MCM6: variants seen among roughly 807,000 people sequenced by gnomAD.
The protein encoded by MCM6 is DNA replication licensing factor MCM6.
MCM6 carries 46 observed loss-of-function variants against 94.3 expected under a neutral mutation model. The observed-to-expected ratio is 0.49, with a 90% CI of 0.39 to 0.62. The LOEUF (loss-of-function observed/expected upper bound fraction) is 0.62. Among genes scored for constraint, MCM6 ranks in the 20% least tolerant of loss-of-function variants. The pLI is 0.00. For synonymous variants in MCM6, 335 were observed against 351.9 expected, an observed-to-expected ratio of 0.95 and a Z score of 0.54; for missense variants, 865 against 1,017.9, an observed-to-expected ratio of 0.85 and a Z score of 2.04.
intron 13 of MCM6, 108 bp downstream of exon 13, chr2:135,851,293 AC>A: frequency 1.2e-6 from 1 of 814,344 alleles, no homozygotes; most frequent in Non-Finnish European, 1.9e-6. Flanking sequence ...TTCAACAGTT[AC>A]ATAAAAATGT....
In MCM6 at chr2:135,856,884, C is replaced by T; in HGVS notation, c.1471-1G>A. ...TGGACGTCCGGGCGTTCAGAGTAGC[C>T]TGACCACAAAAGAAAGAATCTTAAC... On this transcript the variant is annotated splice_acceptor_variant, in intron 10 of 16. Coordinates refer to ENST00000264156, the MANE Select transcript of MCM6 (RefSeq NM_005915.6). LOFTEE classifies it high-confidence loss of function. 6.2e-7 allele frequency: 1 copy of T among 1,608,846 alleles called. No homozygotes were observed. Among genetic ancestry groups the T allele is most frequent in the African/African-American group, 1.3e-5 (1 of 74,726 alleles).
rs80287127 is a variant in MCM6, at chr2:135,849,371, T to C, written c.1918-1183A>G. On this transcript the variant is annotated intron_variant, in intron 13 of 16. Transcript: ENST00000264156. ...GTCCCTTGATGACCTAATGGATGTGTAGCACAAGCAAAAAAAAATTGTTTT... is the reference window on the plus strand; with the variant it reads ...GTCCCTTGATGACCTAATGGATGTGCAGCACAAGCAAAAAAAAATTGTTTT... 4.9e-3 allele frequency among the ~76,000 whole-genome samples: 742 copies of C among 152,312 alleles called. 4 individuals carry two copies. Among genetic ancestry groups the C allele is most frequent in the African/African-American group, 0.015 (611 of 41,574 alleles).
intron 7 of MCM6, among the ~76,000 whole-genome samples, chr2:135,864,157 C>A (rs1168867418): frequency 6.6e-6 from 1 of 151,980 alleles, no homozygotes; most frequent in Non-Finnish European, 1.5e-5. Context: ...GAGTTCTTAC[C>A]ATAATCCTAA....
At chr2:135,870,103 G>C (rs925134913) in intron 3 of MCM6, 148 bp downstream of exon 3, 1 of 544,336 alleles carries the variant, frequency 1.8e-6, no homozygotes, top group African/African-American at 1.9e-5. Flanking sequence ...CAAGGAAACT[G>C]AGGCTCAGGG....
chr2:135,844,670 C>A lies in MCM6; in HGVS notation c.2224G>T (p.Ala742Ser). 1 of 1,571,238 alleles carries A rather than the reference C, an allele frequency of 6.4e-7. No homozygotes were observed. Among genetic ancestry groups the A allele is most frequent in the Non-Finnish European group, 8.6e-7 (1 of 1,163,262 alleles). Residue 742 changes from alanine (A) to serine (S), a missense_variant, in exon 16 of 17, where the codon GCA (alanine) becomes TCA (serine). Ala to Ser is a moderately conservative substitution (Grantham distance 99). This residue lies in a region of MCM6 where 308 missense variants were observed against 324.5 expected (regional missense o/e 0.95). Coordinates refer to ENST00000264156, the MANE Select transcript of MCM6 (RefSeq NM_005915.6). The stretch of plus-strand genomic sequence containing the variant: ...TTAACAAGCTCGCTCCTCTTTAATG[C>A]TGACTCGTCCTCTTCTGCAACAAAA... ...RKVEEEEDESALKRSELVNWY... is the reference protein window; with the variant it reads ...RKVEEEEDESSLKRSELVNWY...
At chr2:135,874,832 G>C (rs952435089) in intron 1 of MCM6, among the ~76,000 whole-genome samples, 3 of 152,190 alleles carry the variant, frequency 2.0e-5, no homozygotes, top group African/African-American at 4.8e-5. Context: ...TACAGACAAT[G>C]TTATTTAGCC....
intron 8 of MCM6, among the ~76,000 whole-genome samples, chr2:135,861,424 T>C (rs1679990744): frequency 6.6e-6 from 1 of 152,116 alleles, no homozygotes; most frequent in African/African-American, 2.4e-5. Flanking sequence ...ATAACACATA[T>C]ACAGCACTGA....
chr2:135,859,366 C>T lies in MCM6; in HGVS notation c.1297G>A (p.Val433Ile), dbSNP rs749161928. 4 of 1,613,154 alleles carry T rather than the reference C, an allele frequency of 2.5e-6. No individual in the cohort carries two copies. The highest frequency in any genetic ancestry group is 1.1e-5 in the South Asian group (1 of 91,058). ...ASSAAGLTAAVVRDEESHEFV... is the reference protein window; with the variant it reads ...ASSAAGLTAAIVRDEESHEFV... ...TCATGAGATTCTTCATCTCTCACAA[C>T]AGCTGCTGTTAAGCCAGCAGCACTG... Residue 433 changes from valine (V) to isoleucine (I), a missense_variant, in exon 9 of 17, where the codon GTT becomes ATT. Physicochemically the swap from Val to Ile is conservative, Grantham distance 29. Transcript: ENST00000264156.
intron 15 of MCM6, among the ~76,000 whole-genome samples, chr2:135,845,246 A>G (rs921464977): frequency 1.3e-5 from 2 of 152,254 alleles, no homozygotes; most frequent in African/African-American, 4.8e-5. Flanking sequence ...AAGGTCTACC[A>G]GACTTTTAGA....
chr2:135,846,959 G>A (rs936316635), intron 14 of MCM6, among the ~76,000 whole-genome samples: 3 of 151,450 alleles, frequency 2.0e-5, no homozygotes, highest in African/African-American at 7.3e-5. Flanking sequence ...AGATGAGATT[G>A]CACCATTGTA....
intron 13 of MCM6, among the ~76,000 whole-genome samples, chr2:135,849,624 C>T (rs1679735990): frequency 6.6e-6 from 1 of 152,112 alleles, no homozygotes; most frequent in African/African-American, 2.4e-5. Flanking sequence ...AACTACAAAG[C>T]CCCATAGATT....
intron 8 of MCM6, 33 bp downstream of exon 8, chr2:135,862,574 T>C: frequency 1.2e-6 from 2 of 1,612,546 alleles, no homozygotes; most frequent in African/African-American, 1.3e-5. Flanking sequence ...ATGTACACTT[T>C]TTCCTGCAAC....
In MCM6 at chr2:135,840,781, G is replaced by C; in HGVS notation, c.*54C>G. ...TAGCAGAGCTCCAGCCAGGCTCCAGGCCACGAGGTGCTGTGCCACAGTTCC... is the reference window on the plus strand; with the variant it reads ...TAGCAGAGCTCCAGCCAGGCTCCAGCCCACGAGGTGCTGTGCCACAGTTCC... On this transcript the variant is annotated 3_prime_UTR_variant, in exon 17 of 17. Coordinates refer to ENST00000264156, the MANE Select transcript of MCM6 (RefSeq NM_005915.6). The C allele has an allele frequency of 8.1e-7, 1 of 1,241,736 alleles. No homozygotes were observed. The highest frequency in any genetic ancestry group is 1.2e-6 in the Non-Finnish European group (1 of 842,340). 76.9% of individuals were successfully genotyped at this position (1,241,736 alleles called of 1,614,324 possible). A position where few individuals can be genotyped will look rare whatever the true frequency, so the allele number is the denominator to read the frequency against.
At chr2:135,843,161 A>C (rs543572703) in intron 16 of MCM6, among the ~76,000 whole-genome samples, 1 of 152,226 alleles carries the variant, frequency 6.6e-6, no homozygotes, top group Non-Finnish European at 1.5e-5. Flanking sequence ...AGTGGAATCA[A>C]GGAGTCAAAG....
rs1679925598 is a variant in MCM6 at position 135,858,105 on chromosome 2, G to A, written c.1363-101C>T. 11 of 1,010,184 alleles carry A rather than the reference G, an allele frequency of 1.1e-5. No homozygotes were observed. The East Asian group carries it at 1.7e-4, about 15-fold the overall frequency. The allele number at this position is 1,010,184 out of a possible 1,614,324, so 62.6% of individuals were successfully genotyped here. ...TTTGGGAGGCCAAGGCAGGAAGAAC[G>A]CTTCACTAAGGCCGGGCATTTGAGG... On this transcript the variant is annotated intron_variant, in intron 9 of 16. Coordinates refer to ENST00000264156, the MANE Select transcript of MCM6 (RefSeq NM_005915.6).
chr2:135,853,336 C>T (rs1369315657), intron 11 of MCM6, among the ~76,000 whole-genome samples: 1 of 152,116 alleles, frequency 6.6e-6, no homozygotes, highest in African/African-American at 2.4e-5. Context: ...CCCAGCTACT[C>T]AGGTGGCTGA....
chr2:135,843,282 C>T (rs1436492249), intron 16 of MCM6, among the ~76,000 whole-genome samples: 1 of 152,164 alleles, frequency 6.6e-6, no homozygotes, highest in Non-Finnish European at 1.5e-5. Context: ...CTGTTAAACG[C>T]TCATCAGTAG....
intron 7 of MCM6, 79 bp from the exon 8 acceptor site, chr2:135,862,827 C>T (rs1680023025): frequency 6.8e-7 from 1 of 1,480,156 alleles, no homozygotes; most frequent in Non-Finnish European, 9.3e-7. Flanking sequence ...ACAGTAAAGG[C>T]ATGTTTACCA....
At position 135,851,425 on chromosome 2, in the gene MCM6, C is replaced by T. The variant is rs1258239997; in HGVS notation, c.1894G>A (p.Ala632Thr). ...ESMIRLSEAMARMHCCDEVQP... is the reference protein window; with the variant it reads ...ESMIRLSEAMTRMHCCDEVQP... ...ACCTCATCACAGCAGTGCATCCGAG[C>T]CATAGCTTCAGAGAGACGAATCATG... Residue 632 changes from alanine to threonine, a missense_variant, in exon 13 of 17, where the codon GCT becomes ACT. Around this residue, in one of 3 missense-constraint regions of MCM6, gnomAD observed 308 missense variants for 324.5 expected, o/e 0.95. Coordinates refer to ENST00000264156, the MANE Select transcript of MCM6 (RefSeq NM_005915.6). The T allele has an allele frequency of 5.6e-6, 9 of 1,613,436 alleles. No homozygotes were observed. The highest frequency in any genetic ancestry group is 6.8e-6 in the Non-Finnish European group (8 of 1,179,732).
Sources: gnomAD v4.1 joint callset for allele counts (sites outside exome capture counted in the v4.1 genomes callset) on GRCh38, gnomAD v4.1.1 for gene constraint, gnomAD v4.1.1 regional missense constraint, MANE v1.5 for transcripts, NCBI Gene and HGNC (gene_info 2026-07-23, HGNC 2026-07-21) for gene names.